The following VWF variants were observed in gnomAD, a reference collection of about 807,000 sequenced individuals.
VWF encodes the protein von Willebrand factor, also known as Factor VIII related antigen.
VWF carries 176 observed loss-of-function variants against 308.6 expected under a neutral mutation model. The ratio of observed to expected loss-of-function variants is 0.57; its 90% CI spans 0.50 to 0.65. VWF has a LOEUF of 0.65. Among genes scored for constraint, VWF ranks in the 30% least tolerant of loss-of-function variants. The pLI is 0.00. For missense variants in VWF, 3,146 were observed against 3,648.2 expected (o/e 0.86, Z 3.55); for synonymous variants, 1,385 against 1,443.4 (o/e 0.96, Z 0.92).
At chr12:6,021,451 C>A (rs2080832097) in intron 27 of VWF, 1 of 174,668 alleles carries the variant, frequency 5.7e-6, no homozygotes, top group Admixed American at 5.5e-5. Flanking sequence ...CACCCTGCCA[C>A]CTTGACTATG....
chr12:5,985,484 AGGTGAAGATG>A (rs1943668880), intron 39 of VWF, 69 bp downstream of exon 39: 1 of 1,444,128 alleles, frequency 6.9e-7, no homozygotes, highest in Admixed American at 1.9e-5. Context: ...GCTCTGCCAG[AGGTGAAGATG>A]GGTGGCTGGG....
intron 47 of VWF, among the ~76,000 whole-genome samples, chr12:5,958,505 T>C (rs1378837024): frequency 2.0e-5 from 3 of 152,192 alleles, no homozygotes; most frequent in East Asian, 3.9e-4. Context: ...CTGTGAAACA[T>C]GGCAAAACCC....
At chr12:6,091,190 T>C (rs1465174168) in intron 6 of VWF, among the ~76,000 whole-genome samples, 1 of 152,102 alleles carries the variant, frequency 6.6e-6, no homozygotes, top group Non-Finnish European at 1.5e-5. Flanking sequence ...GGGTCTGACA[T>C]TCTCCTTGGT....
intron 5 of VWF, among the ~76,000 whole-genome samples, chr12:6,106,278 C>T (rs1042340190): frequency 1.3e-5 from 2 of 152,118 alleles, no homozygotes; most frequent in Admixed American, 1.3e-4. Flanking sequence ...AAAATTCTGA[C>T]ATACACCACA....
intron 50 of VWF, 133 bp downstream of exon 50, chr12:5,951,711 A>T (rs1371528225): frequency 9.6e-7 from 1 of 1,042,674 alleles, no homozygotes; most frequent in Non-Finnish European, 1.5e-6. Flanking sequence ...GTCACGAAAT[A>T]TCTTTCTGAA....
intron 23 of VWF, 75 bp from the exon 24 acceptor site, chr12:6,025,768 G>T: frequency 6.6e-7 from 1 of 1,511,284 alleles, no homozygotes; most frequent in Admixed American, 1.7e-5. Flanking sequence ...GGATCCAAGA[G>T]ACCCTCCTTC....
chr12:6,076,113 A>G (rs1032603703), intron 6 of VWF, among the ~76,000 whole-genome samples: 6 of 152,078 alleles, frequency 3.9e-5, no homozygotes, highest in African/African-American at 1.4e-4. Context: ...CTGGGGCCAG[A>G]CGGGACCAGT....
rs1283135770 is a variant in VWF at position 6,046,491 on chromosome 12, G to A, written c.2281+232C>T. Among the ~76,000 whole-genome samples the A allele has an allele frequency of 2.6e-5, 4 of 152,226 alleles. No homozygotes were observed. The highest frequency in any genetic ancestry group is 4.4e-5 in the Non-Finnish European group (3 of 68,052). ...TATCTGCAGGTCTTTCCCCTTACAC[G>A]AAATCAAATACTCCTTGCCTCAATG... On this transcript the variant is annotated intron_variant, in intron 17 of 51. Coordinates refer to ENST00000261405, the MANE Select transcript of VWF (RefSeq NM_000552.5). This position sits in a 1 kb window ranked among gnomAD's most constrained non-coding sequence, Gnocchi z 5.0.
At chr12:5,977,875 CTA>C (rs1212796313) in intron 42 of VWF, among the ~76,000 whole-genome samples, 1 of 147,496 alleles carries the variant, frequency 6.8e-6, no homozygotes, top group African/African-American at 2.5e-5. Context: ...ATCTCTCTCT[CTA>C]TATATATATA....
At chr12:6,030,449 T>C (rs1944247775) in intron 21 of VWF, among the ~76,000 whole-genome samples, 1 of 152,142 alleles carries the variant, frequency 6.6e-6, no homozygotes, top group South Asian at 2.1e-4. Flanking sequence ...GCTGAGGCCA[T>C]GGGAGAAAAT....
chr12:5,976,290 C>T, intron 42 of VWF, 30 bp from the exon 43 acceptor site: 1 of 1,614,024 alleles, frequency 6.2e-7, no homozygotes, highest in South Asian at 1.1e-5. Context: ...TGAGTGAACT[C>T]ATTTGTTTCA....
intron 20 of VWF, among the ~76,000 whole-genome samples, chr12:6,032,804 A>G (rs1265112990): frequency 6.6e-6 from 1 of 151,936 alleles, no homozygotes; most frequent in Non-Finnish European, 1.5e-5. Context: ...ACATACATCT[A>G]TGTACTCATA....
At chr12:5,977,325 C>T (rs1309174073) in intron 42 of VWF, among the ~76,000 whole-genome samples, 2 of 152,176 alleles carry the variant, frequency 1.3e-5, no homozygotes, top group Non-Finnish European at 2.9e-5. Flanking sequence ...GCTGAAGCAA[C>T]TCAAATGTCC....
intron 6 of VWF, among the ~76,000 whole-genome samples, chr12:6,087,422 G>C (rs1430799344): frequency 2.1e-5 from 3 of 144,818 alleles, no homozygotes; most frequent in African/African-American, 7.8e-5. Context: ...GCAGTGGTGC[G>C]ATCTCGGCTC....
At chr12:5,995,506 T>C (rs1317862236) in intron 35 of VWF, among the ~76,000 whole-genome samples, 1 of 152,214 alleles carries the variant, frequency 6.6e-6, no homozygotes, top group African/African-American at 2.4e-5. Flanking sequence ...GAAGTTGGCA[T>C]AGTGTAACCT....
rs527241252 is a variant in VWF at position 6,121,668 on chromosome 12, C to G, written c.56-330G>C. ...GAAGCTGGCCGGGCACAGTGGCTCA[C>G]GCCTATAATCCCAGCACTTTGGGAG... On this transcript the variant is annotated intron_variant, in intron 2 of 51. Transcript: ENST00000261405. Among the ~76,000 whole-genome samples the G allele has an allele frequency of 2.0e-5, 3 of 152,314 alleles. No individual in the cohort carries two copies. The South Asian group carries it at 6.2e-4, about 32-fold the overall frequency.
chr12:6,110,315 A>T, intron 5 of VWF, 59 bp downstream of exon 5: 1 of 1,570,984 alleles, frequency 6.4e-7, no homozygotes, highest in Non-Finnish European at 8.8e-7. Flanking sequence ...AAGGTTTATG[A>T]GCAAGGAAAT....
intron 34 of VWF, among the ~76,000 whole-genome samples, chr12:6,005,735 C>T (rs936315296): frequency 2.0e-5 from 3 of 152,108 alleles, no homozygotes; most frequent in Non-Finnish European, 2.9e-5. Context: ...AAGAAAACAA[C>T]GGGCAGCCAA....
intron 5 of VWF, among the ~76,000 whole-genome samples, chr12:6,098,995 T>A (rs187150651): frequency 6.7e-6 from 1 of 149,538 alleles, no homozygotes; most frequent in Non-Finnish European, 1.5e-5. Context: ...ACACCCTCCA[T>A]GAGAAAGTTC....
Sources: gnomAD v4.1 joint callset for allele counts (sites outside exome capture counted in the v4.1 genomes callset) on GRCh38, gnomAD v4.1.1 for gene constraint, Gnocchi (gnomAD v3.1) non-coding constraint, MANE v1.5 for transcripts, NCBI Gene and HGNC (gene_info 2026-07-23, HGNC 2026-07-21) for gene names.